GRK7: variants seen among roughly 807,000 people sequenced by gnomAD.
GRK7 encodes the protein rhodopsin kinase GRK7.
In GRK7, 24 loss-of-function variants were observed where a neutral mutation model predicts 34.1. The observed-to-expected ratio is 0.70, with a 90% confidence interval of 0.51 to 0.99. GRK7 has a LOEUF of 0.99. Ranked by LOEUF, GRK7 falls within the 50% of genes least tolerant of loss-of-function variation. The pLI, the probability that GRK7 is intolerant of heterozygous loss-of-function variation, is 0.00. For synonymous variants in GRK7, 256 were observed against 279.4 expected (o/e 0.92, Z 0.84); for missense variants, 644 against 707.3 (o/e 0.91, Z 1.02).
intron 4 of GRK7, among the ~76,000 whole-genome samples, chr3:141,786,439 G>C (rs1040150172): frequency 3.3e-5 from 5 of 152,118 alleles, no homozygotes; most frequent in African/African-American, 1.2e-4. Context: ...TCACTGCCAT[G>C]GTTGTGTTAT....
chr3:141,811,360 TAATACTC>T (rs1423218033), intron 5 of GRK7, among the ~76,000 whole-genome samples: 1 of 152,000 alleles, frequency 6.6e-6, no homozygotes, highest in African/African-American at 2.4e-5. Flanking sequence ...AAATATATCT[TAATACTC>T]TATAAGCAGA....
At chr3:141,784,193 G>A (rs552689233) in intron 4 of GRK7, among the ~76,000 whole-genome samples, 3 of 152,222 alleles carry the variant, frequency 2.0e-5, no homozygotes, top group East Asian at 1.9e-4. Context: ...CTTGGCTCCC[G>A]GGTGCAGCTC....
chr3:141,791,784 A>G (rs1364563743), intron 4 of GRK7, among the ~76,000 whole-genome samples: 1 of 151,938 alleles, frequency 6.6e-6, no homozygotes, highest in Non-Finnish European at 1.5e-5. Flanking sequence ...TGGGCAGATC[A>G]CTTGAGGTCA....
chr3:141,756,772 T>C, the GRK7 span, among the ~76,000 whole-genome samples: 2 of 152,210 alleles, frequency 1.3e-5, no homozygotes, highest in Non-Finnish European at 2.9e-5. Context: ...TTAATGGTGT[T>C]CCATTTGTCT....
intron 5 of GRK7, among the ~76,000 whole-genome samples, chr3:141,813,085 A>G (rs1711109826): frequency 6.6e-6 from 1 of 152,108 alleles, no homozygotes; most frequent in Non-Finnish European, 1.5e-5. Flanking sequence ...TGTAAATTAT[A>G]CCTCAATAAT....
intron 4 of GRK7, among the ~76,000 whole-genome samples, chr3:141,788,784 A>T (rs2084708869): frequency 6.6e-6 from 1 of 152,152 alleles, no homozygotes; most frequent in African/African-American, 2.4e-5. Context: ...ACGTCTCTGC[A>T]ATTGCTACCA....
At chr3:141,772,733 C>T (rs1331151545) in intron 1 of GRK7, among the ~76,000 whole-genome samples, 1 of 151,960 alleles carries the variant, frequency 6.6e-6, no homozygotes, top group African/African-American at 2.4e-5. Context: ...TTTTTCTTTT[C>T]TCTAGGTTAC....
At chr3:141,755,223 C>T in the GRK7 span, among the ~76,000 whole-genome samples, 1 of 152,160 alleles carries the variant, frequency 6.6e-6, no homozygotes, top group African/African-American at 2.4e-5. Context: ...ATGTTCTTAG[C>T]CAGGTGTGGT....
At chr3:141,769,654 C>T (rs1051608365) in intron 1 of GRK7, among the ~76,000 whole-genome samples, 8 of 152,148 alleles carry the variant, frequency 5.3e-5, no homozygotes, top group African/African-American at 1.9e-4. Flanking sequence ...GCAAGCTCTG[C>T]AAGTGACATT....
intron 1 of GRK7, among the ~76,000 whole-genome samples, chr3:141,774,003 C>T (rs550076809): frequency 6.6e-6 from 1 of 152,314 alleles, no homozygotes; most frequent in African/African-American, 2.4e-5. Flanking sequence ...GCAAGGGATG[C>T]TGACTGTGCC....
At chr3:141,809,662 T>G (rs1278896776) in intron 5 of GRK7, among the ~76,000 whole-genome samples, 2 of 152,042 alleles carry the variant, frequency 1.3e-5, no homozygotes, top group African/African-American at 2.4e-5. Flanking sequence ...CATGCCACTG[T>G]ACTCCAGCAT....
Position 141,778,604 on chromosome 3 carries a change from A to C in GRK7, c.320A>C (p.Gln107Pro). 1 of 1,612,510 alleles carries C rather than the reference A, an allele frequency of 6.2e-7. No homozygotes were observed. Among genetic ancestry groups the C allele is most frequent in the Non-Finnish European group, 8.5e-7 (1 of 1,179,344 alleles). Reference sequence around the variant, plus strand: ...GGACCCACCAAAGACAGCGCGCTGCAGGGGCTGGTGGCCACTTGTGCGAGT... The same window carrying C: ...GGACCCACCAAAGACAGCGCGCTGCCGGGGCTGGTGGCCACTTGTGCGAGT... ...EEGPTKDSAL[Q>P]GLVATCASAP... is the part of the protein sequence containing the mutation. The change falls in exon 3 of 6, where the codon CAG (glutamine) becomes CCG (proline). Residue 107 changes from glutamine to proline, a missense_variant. Physicochemically the swap from Gln to Pro is moderately conservative, Grantham distance 76. Coordinates refer to ENST00000682958, the MANE Select transcript of GRK7 (RefSeq NM_139209.3). The surrounding 1 kb of genome is among the most constrained non-coding windows in gnomAD (Gnocchi z 4.1).
At chr3:141,803,760 C>T (rs951372868) in intron 4 of GRK7, among the ~76,000 whole-genome samples, 14 of 152,180 alleles carry the variant, frequency 9.2e-5, no homozygotes, top group Non-Finnish European at 1.5e-5. Context: ...CTTGCTGTGT[C>T]ATTCAGGCTG....
At chr3:141,791,423 T>C (rs1039660092) in intron 4 of GRK7, among the ~76,000 whole-genome samples, 2 of 152,116 alleles carry the variant, frequency 1.3e-5, no homozygotes, top group African/African-American at 4.8e-5. Flanking sequence ...AGGAGAGGCA[T>C]TCTGGTCACA....
At position 141,815,010 on chromosome 3, in the gene GRK7, C is replaced by T. The variant is rs142964758; in HGVS notation, c.1326-1704C>T. 7.3e-3 allele frequency among the ~76,000 whole-genome samples: 1,095 copies of T among 150,598 alleles called. 17 individuals carry two copies. Among genetic ancestry groups the T allele is most frequent in the African/African-American group, 0.025 (1,020 of 41,050 alleles). ...CACAATCTTGGCTCACTGCAATCTC[C>T]GCCTCCTGGGTTCAAGCAATTCTCT... On this transcript the variant is annotated intron_variant, in intron 5 of 5. Transcript: ENST00000682958.
intron 4 of GRK7, among the ~76,000 whole-genome samples, chr3:141,783,099 G>A (rs2107880043): frequency 6.6e-6 from 1 of 152,280 alleles, no homozygotes; most frequent in Non-Finnish European, 1.5e-5. Context: ...TTCCAGGTAG[G>A]AGAAAGGAGG....
intron 4 of GRK7, among the ~76,000 whole-genome samples, chr3:141,806,899 A>G (rs1436259312): frequency 6.6e-6 from 1 of 151,914 alleles, no homozygotes; most frequent in South Asian, 2.1e-4. Flanking sequence ...CCATACACAC[A>G]AGTATATATA....
intron 4 of GRK7, among the ~76,000 whole-genome samples, 158 bp downstream of exon 4, chr3:141,780,969 G>A (rs1193009418): frequency 1.3e-5 from 2 of 152,184 alleles, no homozygotes; most frequent in Non-Finnish European, 2.9e-5. Flanking sequence ...GATGAGTGGT[G>A]TAAGAGGATT....
intron 2 of GRK7, among the ~76,000 whole-genome samples, chr3:141,775,140 C>A (rs1577912030): frequency 6.6e-6 from 1 of 152,122 alleles, no homozygotes; most frequent in Non-Finnish European, 1.5e-5. Context: ...GTGGCTCACG[C>A]CTGTAATTTA....
Sources: allele counts gnomAD v4.1 joint callset (sites outside exome capture counted in the v4.1 genomes callset), GRCh38; gene constraint gnomAD v4.1.1; non-coding constraint Gnocchi (gnomAD v3.1); transcripts MANE v1.5; gene names NCBI Gene and HGNC (gene_info 2026-07-23, HGNC 2026-07-21).